The following KLHL1 variants were observed in gnomAD, a reference collection of about 807,000 sequenced individuals.
KLHL1 encodes the protein kelch-like protein 1.
In KLHL1, 47 loss-of-function variants were observed where a neutral mutation model predicts 77.7. That is an observed-to-expected ratio of 0.60 (90% CI 0.48 to 0.77). The LOEUF (loss-of-function observed/expected upper bound fraction) is 0.77. KLHL1 is among the 30% of genes least tolerant of loss of function. The probability of loss-of-function intolerance (pLI) is 0.00; values close to 1 mark genes in which losing one functional copy is unlikely to be tolerated. For missense variants in KLHL1, 925 were observed against 910.8 expected, an observed-to-expected ratio of 1.02 and a Z score of -0.20; for synonymous variants, 360 against 325.2, an observed-to-expected ratio of 1.11 and a Z score of -1.15.
intron 7 of KLHL1, among the ~76,000 whole-genome samples, chr13:69,751,003 C>G (rs1285719583): frequency 6.6e-6 from 1 of 151,918 alleles, no homozygotes; most frequent in Non-Finnish European, 1.5e-5. Context: ...TTGACAATAA[C>G]TGCCACAGTG....
intron 4 of KLHL1, chr13:69,894,922 A>T (rs756895122): frequency 8.0e-5 from 35 of 438,710 alleles, no homozygotes; most frequent in Non-Finnish European, 1.5e-4. Context: ...GAGCAGAACC[A>T]AGCAGCTTGG....
At chr13:70,027,660 T>TTTTTTTTTTTA (rs1343810976) in intron 1 of KLHL1, among the ~76,000 whole-genome samples, 2 of 150,498 alleles carry the variant, frequency 1.3e-5, no homozygotes, top group East Asian at 3.9e-4. Context: ...TTGTTTTTTT[T>TTTTTTTTTTTA]TTTTTATGAA....
chr13:69,992,507 A>G (rs966771133), intron 1 of KLHL1, among the ~76,000 whole-genome samples: 3 of 152,054 alleles, frequency 2.0e-5, no homozygotes, highest in African/African-American at 7.2e-5. Flanking sequence ...GACTTAGAGT[A>G]TAAGCGGATG....
intron 1 of KLHL1, among the ~76,000 whole-genome samples, chr13:70,098,002 T>C (rs1375786249): frequency 1.3e-5 from 2 of 151,842 alleles, no homozygotes; most frequent in Non-Finnish European, 3.0e-5. Context: ...TATGTAACTA[T>C]TTACTAGCTA....
Position 69,775,367 on chromosome 13 carries a change from TATA to T in KLHL1, c.1639+21368_1639+21370del, listed in dbSNP as rs763240833. 5.0e-4 allele frequency among the ~76,000 whole-genome samples: 76 copies of T among 152,318 alleles called. 2 individuals are homozygous for T. The highest frequency in any genetic ancestry group is 3.1e-4 in the Non-Finnish European group (21 of 68,022). On this transcript the variant is annotated intron_variant, in intron 7 of 10. Transcript: ENST00000377844. Reference sequence around the variant, plus strand: ...TCTTGTAAAAACAAGCATCTATTAATATAATAATATTCACACAAATAACTAGTA... The same window carrying T: ...TCTTGTAAAAACAAGCATCTATTAATATAATATTCACACAAATAACTAGTA...
At chr13:70,058,098 CAG>C (rs143003987) in intron 1 of KLHL1, among the ~76,000 whole-genome samples, 9,189 of 152,154 alleles carry the variant, frequency 0.06, 379 homozygotes, top group Non-Finnish European at 0.093. Context: ...TGCCTCAACA[CAG>C]AGCCATATAT....
chr13:69,922,000 C>T (rs574634532), intron 4 of KLHL1, among the ~76,000 whole-genome samples: 137 of 150,632 alleles, frequency 9.1e-4, no homozygotes, highest in Non-Finnish European at 1.6e-3. Flanking sequence ...GCAATCATAC[C>T]TCACTGTAGC....
chr13:69,940,207 C>T lies in KLHL1; in HGVS notation c.847G>A (p.Glu283Lys). 6.2e-7 allele frequency: 1 copy of T among 1,609,744 alleles called. No individual in the cohort carries two copies. The highest frequency in any genetic ancestry group is 8.5e-7 in the Non-Finnish European group (1 of 1,178,660). Residue 283 changes from glutamate to lysine, a missense_variant, in exon 4 of 11, where the codon GAG becomes AAG. Transcript: ENST00000377844. ...AGGCACGCTGCAGCAAGAAGGTTCT[C>T]AATGGTGTCCTCTTTTAATTCCAAG... is the stretch of plus-strand genomic sequence containing the variant. The part of the protein sequence containing the change: ...GCLELKEDTI[E>K]NLLAAACLLQ...
chr13:69,920,809 A>T (rs1882607100), intron 4 of KLHL1, among the ~76,000 whole-genome samples: 1 of 152,160 alleles, frequency 6.6e-6, no homozygotes, highest in Admixed American at 6.6e-5. Context: ...TTTACATATT[A>T]TCTCAGACAA....
chr13:69,789,683 T>C (rs1308174640), intron 7 of KLHL1, among the ~76,000 whole-genome samples: 2 of 152,168 alleles, frequency 1.3e-5, no homozygotes, highest in African/African-American at 4.8e-5. Flanking sequence ...TAGACATCAG[T>C]GTTCTTGGAA....
intron 9 of KLHL1, among the ~76,000 whole-genome samples, chr13:69,715,683 C>T (rs1380789316): frequency 6.6e-6 from 1 of 151,898 alleles, no homozygotes; most frequent in African/African-American, 2.4e-5. Context: ...AGCATAATTG[C>T]TCACCAATAG....
chr13:69,770,095 A>C (rs1026804378), intron 7 of KLHL1, among the ~76,000 whole-genome samples: 4 of 151,910 alleles, frequency 2.6e-5, no homozygotes, highest in African/African-American at 9.7e-5. Context: ...AGAACTTGGG[A>C]CTCCTCAGGA....
chr13:70,103,098 C>A (rs1887962945), intron 1 of KLHL1, among the ~76,000 whole-genome samples: 1 of 152,240 alleles, frequency 6.6e-6, no homozygotes, highest in Middle Eastern at 3.4e-3. Flanking sequence ...TGATGAAGAA[C>A]TCCTTTCCTG....
chr13:69,853,742 G>A (rs1879784458), intron 5 of KLHL1, among the ~76,000 whole-genome samples: 1 of 151,918 alleles, frequency 6.6e-6, no homozygotes, highest in African/African-American at 2.4e-5. Context: ...CTCTAGAAGA[G>A]CCCCACCTTG....
chr13:69,889,655 T>A (rs1881353457), intron 4 of KLHL1, among the ~76,000 whole-genome samples: 1 of 152,086 alleles, frequency 6.6e-6, no homozygotes, highest in Non-Finnish European at 1.5e-5. Flanking sequence ...ATGGTGATTA[T>A]GGGTGATTTA....
intron 1 of KLHL1, among the ~76,000 whole-genome samples, chr13:70,047,941 C>CCTGA (rs1886542688): frequency 6.6e-6 from 1 of 151,964 alleles, no homozygotes; most frequent in South Asian, 2.1e-4. Flanking sequence ...TATCTCTGAG[C>CCTGA]CTGAGTCCCT....
Position 70,075,115 on chromosome 13 carries a change from A to G in KLHL1, c.497+32088T>C, listed in dbSNP as rs539339019. Among the ~76,000 whole-genome samples, 22 of 152,076 alleles carry G rather than the reference A, an allele frequency of 1.4e-4. 1 individual carries two copies. Among genetic ancestry groups the G allele is most frequent in the African/African-American group, 5.3e-4 (22 of 41,434 alleles). ...TTTATGTACATGGGGGCCATACACA[A>G]ATTATGAGACTTGAAGAGGGGCTAG... On this transcript the variant is annotated intron_variant, in intron 1 of 10. Coordinates refer to ENST00000377844, the MANE Select transcript of KLHL1 (RefSeq NM_020866.3).
chr13:69,764,246 G>A (rs1875159727), intron 7 of KLHL1, among the ~76,000 whole-genome samples: 1 of 152,084 alleles, frequency 6.6e-6, no homozygotes, highest in Non-Finnish European at 1.5e-5. Flanking sequence ...TTTAAATAAG[G>A]CAAATGTCCA....
intron 1 of KLHL1, among the ~76,000 whole-genome samples, chr13:70,073,364 C>G (rs993134049): frequency 6.6e-6 from 1 of 151,964 alleles, no homozygotes; most frequent in Non-Finnish European, 1.5e-5. Context: ...ACAAGGAGAA[C>G]ACTTGGACAC....
Sources: allele counts gnomAD v4.1 joint callset (sites outside exome capture counted in the v4.1 genomes callset), GRCh38; gene constraint gnomAD v4.1.1; transcripts MANE v1.5; gene names NCBI Gene and HGNC (gene_info 2026-07-23, HGNC 2026-07-21).